The following MDGA2 variants were observed in gnomAD, a reference collection of about 807,000 sequenced individuals.
MDGA2 encodes the protein MAM domain-containing glycosylphosphatidylinositol anchor protein 2.
Under a neutral mutation model 117.8 loss-of-function variants are expected in MDGA2, and 40 were observed. The ratio of observed to expected loss-of-function variants is 0.34; its 90% CI spans 0.26 to 0.44. MDGA2 has a LOEUF of 0.44. MDGA2 is among the 20% of genes least tolerant of loss of function. MDGA2 has a pLI of 1.00. For missense variants in MDGA2, 1,123 were observed against 1,250.6 expected, an observed-to-expected ratio of 0.90 and a Z score of 1.54; for synonymous variants, 452 against 439.0, an observed-to-expected ratio of 1.03 and a Z score of -0.37.
At chr14:46,889,523 G>GT (rs1357359453) in intron 10 of MDGA2, among the ~76,000 whole-genome samples, 2 of 151,996 alleles carry the variant, frequency 1.3e-5, no homozygotes, top group South Asian at 4.1e-4. Flanking sequence ...AACTTCAACA[G>GT]TTTTTTCTAG....
In MDGA2 at chr14:47,018,733, G is replaced by GAAAAAAAAAAAAA. The variant is rs60442845; in HGVS notation, c.1819+16265_1819+16277dup. ...ACTGTAAGGCTCAAGCCATTTTACT[G>GAAAAAAAAAAAAA]AAAAAAAAAAAAAAAAAAAAAAAAA... is the stretch of plus-strand genomic sequence containing the variant. On this transcript the variant is annotated intron_variant, in intron 8 of 16. Transcript: ENST00000399232. Among the ~76,000 whole-genome samples, 38 of 38,654 alleles carry GAAAAAAAAAAAAA rather than the reference G, an allele frequency of 9.8e-4. 3 individuals carry two copies. Among genetic ancestry groups the GAAAAAAAAAAAAA allele is most frequent in the African/African-American group, 4.1e-3 (36 of 8,816 alleles). The allele number at this position is 38,654 out of a possible 152,430, so 25.4% of individuals were successfully genotyped here.
chr14:46,858,668 C>G (rs1881384004), intron 14 of MDGA2, among the ~76,000 whole-genome samples: 2 of 152,072 alleles, frequency 1.3e-5, no homozygotes, highest in South Asian at 4.1e-4. Flanking sequence ...ACCTCGTGAT[C>G]CACCAGCCTT....
intron 6 of MDGA2, among the ~76,000 whole-genome samples, chr14:47,080,655 A>G (rs12435097): frequency 0.2 from 29,726 of 152,146 alleles, 2,977 homozygotes; most frequent in Admixed American, 0.29. Flanking sequence ...AACAGCATTA[A>G]GTATAAATGC....
chr14:47,525,633 C>A (rs186544937), intron 1 of MDGA2, among the ~76,000 whole-genome samples: 1 of 151,742 alleles, frequency 6.6e-6, no homozygotes, highest in East Asian at 1.9e-4. Context: ...TGCGGTGAAC[C>A]GAGACTGCAC....
chr14:47,357,644 C>T (rs1891025953), intron 1 of MDGA2, among the ~76,000 whole-genome samples: 1 of 152,218 alleles, frequency 6.6e-6, no homozygotes, highest in South Asian at 2.1e-4. Context: ...TATACCTCAC[C>T]TCACCTGGGT....
intron 1 of MDGA2, among the ~76,000 whole-genome samples, chr14:47,658,768 A>G (rs544694688): frequency 6.6e-6 from 1 of 152,276 alleles, no homozygotes; most frequent in East Asian, 1.9e-4. Flanking sequence ...TGCCTAACCC[A>G]AATATATTGG....
intron 3 of MDGA2, among the ~76,000 whole-genome samples, chr14:47,172,040 AT>A (rs1358170186): frequency 2.0e-5 from 3 of 152,120 alleles, no homozygotes; most frequent in Non-Finnish European, 2.9e-5. Flanking sequence ...AGTCTCGCTG[AT>A]TGCTAGCACA....
intron 2 of MDGA2, among the ~76,000 whole-genome samples, chr14:47,275,908 T>G (rs1007474265): frequency 6.6e-6 from 1 of 152,114 alleles, no homozygotes; most frequent in Non-Finnish European, 1.5e-5. Flanking sequence ...TGCATTAACT[T>G]TGTGTCCTCT....
At chr14:47,160,491 C>G (rs1883588761) in intron 3 of MDGA2, among the ~76,000 whole-genome samples, 2 of 152,242 alleles carry the variant, frequency 1.3e-5, no homozygotes, top group South Asian at 4.1e-4. Context: ...CATAGCGAAA[C>G]CCTGCCTCTA....
At chr14:47,461,580 G>T (rs1002142793) in intron 1 of MDGA2, among the ~76,000 whole-genome samples, 8 of 151,914 alleles carry the variant, frequency 5.3e-5, no homozygotes, top group Admixed American at 2.6e-4. Flanking sequence ...TCCTTTACAG[G>T]CTCTGTGCTC....
At chr14:47,334,465 G>C (rs1320005257) in intron 1 of MDGA2, among the ~76,000 whole-genome samples, 2 of 151,850 alleles carry the variant, frequency 1.3e-5, no homozygotes, top group African/African-American at 4.8e-5. Flanking sequence ...ACCTCCGGAA[G>C]CATCAGTTTT....
chr14:47,036,282 A>G (rs1011951036), intron 7 of MDGA2, among the ~76,000 whole-genome samples: 2 of 151,622 alleles, frequency 1.3e-5, no homozygotes, highest in Non-Finnish European at 2.9e-5. Flanking sequence ...AAAAAAAAAA[A>G]AAAAAAAAAA....
At chr14:47,523,795 T>G (rs1325295538) in intron 1 of MDGA2, among the ~76,000 whole-genome samples, 1 of 152,202 alleles carries the variant, frequency 6.6e-6, no homozygotes, top group East Asian at 1.9e-4. Context: ...TATTTTGCTA[T>G]CCATCATATT....
intron 8 of MDGA2, among the ~76,000 whole-genome samples, chr14:47,031,853 C>T (rs147256093): frequency 6.6e-6 from 1 of 152,328 alleles, no homozygotes; most frequent in East Asian, 1.9e-4. Flanking sequence ...TCCCACTTCA[C>T]CTTCTGCCAT....
chr14:47,278,790 G>T (rs1291973946), intron 2 of MDGA2, among the ~76,000 whole-genome samples: 1 of 152,052 alleles, frequency 6.6e-6, no homozygotes, highest in African/African-American at 2.4e-5. Flanking sequence ...CTCATCCCCT[G>T]TCCCCTACAT....
chr14:47,253,641 C>A (rs917531780), intron 2 of MDGA2, among the ~76,000 whole-genome samples: 2 of 152,180 alleles, frequency 1.3e-5, no homozygotes, highest in African/African-American at 4.8e-5. Flanking sequence ...TGTTGAGTGG[C>A]TGTGGCTTTT....
intron 3 of MDGA2, among the ~76,000 whole-genome samples, chr14:47,175,972 G>T (rs1159407854): frequency 1.3e-5 from 2 of 152,112 alleles, no homozygotes; most frequent in Admixed American, 1.3e-4. Flanking sequence ...CAAAATCAAT[G>T]TGCAAAAATC....
chr14:47,515,096 T>C (rs1234544704), intron 1 of MDGA2, among the ~76,000 whole-genome samples: 1 of 152,186 alleles, frequency 6.6e-6, no homozygotes, highest in Non-Finnish European at 1.5e-5. Context: ...GAAAAGTGGC[T>C]CTGCCAGTCA....
intron 8 of MDGA2, among the ~76,000 whole-genome samples, chr14:46,975,682 G>A (rs1347397918): frequency 1.3e-5 from 2 of 152,092 alleles, no homozygotes; most frequent in African/African-American, 2.4e-5. Context: ...GTTGCCAGAG[G>A]CTGGGGGAGG....
Sources: gnomAD v4.1 joint callset for allele counts (sites outside exome capture counted in the v4.1 genomes callset) on GRCh38, gnomAD v4.1.1 for gene constraint, MANE v1.5 for transcripts, NCBI Gene and HGNC (gene_info 2026-07-23, HGNC 2026-07-21) for gene names.